Variants in PCSK5 observed in about 807,000 individuals in gnomAD.
PCSK5 encodes prohormone convertase 5.
In PCSK5, 129 loss-of-function variants were observed where a neutral mutation model predicts 233.2. The ratio of observed to expected loss-of-function variants is 0.55; its 90% confidence interval spans 0.48 to 0.64. PCSK5 has a LOEUF of 0.64. Among genes scored for constraint, PCSK5 ranks in the 30% least tolerant of loss-of-function variants. The pLI, the probability that PCSK5 is intolerant of heterozygous loss-of-function variation, is 0.00. For missense variants in PCSK5, 2,076 were observed against 2,430.1 expected (o/e 0.85, Z 3.06); for synonymous variants, 825 against 879.2 (o/e 0.94, Z 1.09).
intron 1 of PCSK5, among the ~76,000 whole-genome samples, chr9:75,902,225 A>T (rs1052058903): frequency 2.5e-5 from 3 of 119,282 alleles, no homozygotes; most frequent in Non-Finnish European, 6.0e-5. Flanking sequence ...AAAAAAAAAA[A>T]AAAAAAAAAA....
chr9:75,997,480 A>T (rs559484606), intron 3 of PCSK5, among the ~76,000 whole-genome samples: 1 of 152,354 alleles, frequency 6.6e-6, no homozygotes, highest in South Asian at 2.1e-4. Flanking sequence ...GATCCTTGAT[A>T]GGCTGCCTCA....
intron 5 of PCSK5, among the ~76,000 whole-genome samples, chr9:76,045,966 A>G (rs889072563): frequency 7.9e-5 from 12 of 152,132 alleles, no homozygotes; most frequent in Non-Finnish European, 8.8e-5. Flanking sequence ...ATTATTGTTC[A>G]TAACTACTAC....
chr9:75,928,639 A>ATATATATATATATATAT (rs1587374369), intron 1 of PCSK5, among the ~76,000 whole-genome samples: 3 of 132,464 alleles, frequency 2.3e-5, no homozygotes, highest in Non-Finnish European at 3.2e-5. Context: ...ATATATATAT[A>ATATATATATATATATAT]ATCCTAGAAG....
At chr9:75,893,322 A>G (rs780676945) in intron 1 of PCSK5, among the ~76,000 whole-genome samples, 1 of 152,110 alleles carries the variant, frequency 6.6e-6, no homozygotes, top group Non-Finnish European at 1.5e-5. Flanking sequence ...CAGACCTGCT[A>G]CTCTGACTGT....
intron 20 of PCSK5, chr9:76,194,274 G>A (rs1824577431): frequency 6.6e-6 from 1 of 151,938 alleles, no homozygotes; most frequent in African/African-American, 2.4e-5. Flanking sequence ...AATTCCATTT[G>A]TCATGGTGGG....
chr9:76,254,704 C>A lies in PCSK5; in HGVS notation c.3142+14020C>A, dbSNP rs1006466965. ...TTGTTTGCTGCCTAAAAAATGTATTCGCCCATATAAGACACGTCTTGGGAA... is the reference window on the plus strand; with the variant it reads ...TTGTTTGCTGCCTAAAAAATGTATTAGCCCATATAAGACACGTCTTGGGAA... On this transcript the variant is annotated intron_variant, in intron 24 of 37. Transcript: ENST00000674117. 2.6e-5 allele frequency among the ~76,000 whole-genome samples: 4 copies of A among 152,270 alleles called. No individual in the cohort carries two copies. The South Asian group carries it at 8.3e-4, about 32-fold the overall frequency.
intron 35 of PCSK5, among the ~76,000 whole-genome samples, chr9:76,339,472 T>A (rs1376022571): frequency 1.3e-5 from 2 of 152,168 alleles, no homozygotes; most frequent in Non-Finnish European, 2.9e-5. Context: ...GTTATCATAT[T>A]TATGAATATG....
In PCSK5 at chr9:76,341,912, C is replaced by T. The variant is rs77473531; in HGVS notation, c.4966+3465C>T. Among the ~76,000 whole-genome samples, 1,282 of 152,268 alleles carry T rather than the reference C, an allele frequency of 8.4e-3. 17 individuals carry two copies. The highest frequency in any genetic ancestry group is 0.029 in the African/African-American group (1,216 of 41,540). The stretch of plus-strand genomic sequence containing the variant: ...GTCCCAACATGACTCCTGATTTAAG[C>T]GCTAAGCCTGGATTTTGGCTCTGGT... On this transcript the variant is annotated intron_variant, in intron 35 of 37. Coordinates refer to ENST00000674117, the MANE Select transcript of PCSK5 (RefSeq NM_001372043.1).
intron 30 of PCSK5, among the ~76,000 whole-genome samples, chr9:76,318,066 T>G (rs1182148766): frequency 2.0e-5 from 3 of 152,222 alleles, no homozygotes; most frequent in Non-Finnish European, 4.4e-5. Context: ...AAGTCCATTT[T>G]CTCTAAGCCG....
chr9:76,281,476 C>T (rs1297755300), intron 24 of PCSK5, among the ~76,000 whole-genome samples: 1 of 151,454 alleles, frequency 6.6e-6, no homozygotes, highest in Non-Finnish European at 1.5e-5. Context: ...TATTTTAAGC[C>T]CACGGTGGAG....
chr9:76,037,039 G>A (rs999606884), intron 5 of PCSK5, among the ~76,000 whole-genome samples: 1 of 152,206 alleles, frequency 6.6e-6, no homozygotes, highest in Non-Finnish European at 1.5e-5. Flanking sequence ...CTTCGAACAA[G>A]TAACAAAGAT....
intron 21 of PCSK5, 62 bp from the exon 22 acceptor site, chr9:76,233,398 G>A: frequency 6.4e-7 from 1 of 1,559,552 alleles, no homozygotes; most frequent in Non-Finnish European, 8.8e-7. Flanking sequence ...CACATGTTCT[G>A]ATACTTAGGG....
intron 2 of PCSK5, among the ~76,000 whole-genome samples, chr9:75,967,324 C>T (rs1472066310): frequency 2.0e-5 from 3 of 152,176 alleles, no homozygotes; most frequent in African/African-American, 4.8e-5. Context: ...TTAGCTCCCA[C>T]TTGTAAGTGA....
intron 10 of PCSK5, among the ~76,000 whole-genome samples, chr9:76,153,305 C>A (rs1216445046): frequency 6.6e-6 from 1 of 152,182 alleles, no homozygotes; most frequent in African/African-American, 2.4e-5. Flanking sequence ...CTTGTTCCCT[C>A]AATATGTTTT....
At chr9:76,319,114 C>T (rs942362609) in intron 30 of PCSK5, among the ~76,000 whole-genome samples, 1 of 152,068 alleles carries the variant, frequency 6.6e-6, no homozygotes, top group African/African-American at 2.4e-5. Flanking sequence ...GTGGCCAGGG[C>T]ACAGCTTAGT....
chr9:76,192,006 G>C (rs1824408278), intron 20 of PCSK5, among the ~76,000 whole-genome samples: 1 of 150,272 alleles, frequency 6.7e-6, no homozygotes, highest in Non-Finnish European at 1.5e-5. Flanking sequence ...TTGAACCCTG[G>C]AGGTGGAGGT....
chr9:76,283,321 T>C lies in PCSK5; in HGVS notation c.3143-8912T>C, dbSNP rs896999375. On this transcript the variant is annotated intron_variant, in intron 24 of 37. Coordinates refer to ENST00000674117, the MANE Select transcript of PCSK5 (RefSeq NM_001372043.1). ...GGTCAATCAACGTGGTAAACTTCAT[T>C]GTTTCAAAAAATTGCCACAGCCACC... is the stretch of plus-strand genomic sequence containing the variant. 2.0e-5 allele frequency among the ~76,000 whole-genome samples: 3 copies of C among 152,168 alleles called. No homozygotes were observed. In the East Asian group the frequency reaches 5.8e-4, roughly 29 times the overall value.
chr9:76,202,734 G>A (rs545273529), intron 20 of PCSK5, among the ~76,000 whole-genome samples: 36 of 152,184 alleles, frequency 2.4e-4, no homozygotes, highest in Middle Eastern at 3.4e-3. Flanking sequence ...TAACAGAGAA[G>A]GTTAGATCTC....
chr9:76,144,787 T>G (rs963133991), intron 10 of PCSK5, among the ~76,000 whole-genome samples: 1 of 152,184 alleles, frequency 6.6e-6, no homozygotes, highest in African/African-American at 2.4e-5. Flanking sequence ...ACAGAACCTG[T>G]TTCTTCATTG....
Sources: allele counts gnomAD v4.1 joint callset (sites outside exome capture counted in the v4.1 genomes callset), GRCh38; gene constraint gnomAD v4.1.1; transcripts MANE v1.5; gene names NCBI Gene and HGNC (gene_info 2026-07-23, HGNC 2026-07-21).